The following FAM193A variants were observed in gnomAD, a reference collection of about 807,000 sequenced individuals.
FAM193A encodes the protein protein FAM193A.
A neutral mutation model predicts 126.5 loss-of-function variants in FAM193A; 22 were observed. That is an observed-to-expected ratio of 0.17 (90% confidence interval 0.12 to 0.25). The LOEUF is 0.25. Among genes scored for constraint, FAM193A ranks in the 10% least tolerant of loss-of-function variants. The pLI is 1.00. For missense variants in FAM193A, 1,675 were observed against 1,672.8 expected (o/e 1.00, Z -0.02); for synonymous variants, 761 against 646.8 (o/e 1.18, Z -2.68).
At position 2,654,828 on chromosome 4, in the gene FAM193A, A is replaced by G. The variant is rs904932316; in HGVS notation, c.1312-2975A>G. 14 of 362,402 alleles carry G rather than the reference A, an allele frequency of 3.9e-5. No homozygotes were observed. In the Admixed American group the frequency reaches 4.2e-4, roughly 11 times the overall value. The allele number at this position is 362,402 out of a possible 1,614,324, so 22.4% of individuals were successfully genotyped here. A position where few individuals can be genotyped will look rare whatever the true frequency, so the allele number is the denominator to read the frequency against. On this transcript the variant is annotated intron_variant, in intron 7 of 20. Transcript: ENST00000637812. ...ATAGTCTGTAGTTTGAGGGGCTGCTATGACCGGCATCTTGAGTGGGGAATG... is the reference window on the plus strand; with the variant it reads ...ATAGTCTGTAGTTTGAGGGGCTGCTGTGACCGGCATCTTGAGTGGGGAATG...
intron 5 of FAM193A, among the ~76,000 whole-genome samples, chr4:2,635,169 TG>T (rs1382102528): frequency 6.6e-5 from 10 of 152,218 alleles, no homozygotes; most frequent in African/African-American, 2.4e-4. Flanking sequence ...TTTTTATGGT[TG>T]GGTTATTCCA....
chr4:2,681,495 G>T (rs1053140866), intron 13 of FAM193A, among the ~76,000 whole-genome samples: 5 of 152,130 alleles, frequency 3.3e-5, no homozygotes, highest in African/African-American at 1.2e-4. Flanking sequence ...CAGTTGCCCA[G>T]CCTGGAGTGT....
In FAM193A at chr4:2,649,374, GAAAA is replaced by G. The variant is rs35548308; in HGVS notation, c.1311+2556_1311+2559del. On this transcript the variant is annotated intron_variant, in intron 7 of 20. Coordinates refer to ENST00000637812, the MANE Select transcript of FAM193A (RefSeq NM_001366318.2). ...TGGGTGACAGAGTGAGACCCTGTCT[GAAAA>G]AAAAAAAAAAAAAGCCAGGCTTAGT... is the stretch of plus-strand genomic sequence containing the variant. Among the ~76,000 whole-genome samples, 31 of 94,366 alleles carry G rather than the reference GAAAA, an allele frequency of 3.3e-4. 1 individual carries two copies. Among genetic ancestry groups the G allele is most frequent in the Admixed American group, 2.0e-3 (16 of 7,948 alleles). 61.9% of individuals were successfully genotyped at this position (94,366 alleles called of 152,430 possible).
chr4:2,556,583 G>A (rs1301888219), intron 1 of FAM193A, among the ~76,000 whole-genome samples: 4 of 152,188 alleles, frequency 2.6e-5, no homozygotes, highest in Admixed American at 6.6e-5. Context: ...TCAGGAGGCT[G>A]ATGTGGGGGG....
intron 13 of FAM193A, among the ~76,000 whole-genome samples, chr4:2,673,810 A>G (rs74615230): frequency 0.026 from 3,950 of 152,282 alleles, 187 homozygotes; most frequent in African/African-American, 0.09. Flanking sequence ...GTAAGATAGT[A>G]AAATTGATTA....
intron 1 of FAM193A, among the ~76,000 whole-genome samples, chr4:2,562,462 A>G (rs1738677616): frequency 6.6e-6 from 1 of 152,132 alleles, no homozygotes; most frequent in Non-Finnish European, 1.5e-5. Context: ...GATCATTTAA[A>G]ATTTCGACGA....
rs111854306 is a variant in FAM193A, at chr4:2,647,474, C to G, written c.1311+642C>G. 5.5e-3 allele frequency among the ~76,000 whole-genome samples: 836 copies of G among 152,224 alleles called. 6 individuals are homozygous for G. The highest frequency in any genetic ancestry group is 0.019 in the African/African-American group (778 of 41,550). ...GTAGGAGGTTTTTTAAGTCCAGGAG[C>G]TGTTTACTGAGCACTCTGCTGTTGA... is the stretch of plus-strand genomic sequence containing the variant. On this transcript the variant is annotated intron_variant, in intron 7 of 20. Transcript: ENST00000637812.
chr4:2,731,063 G>T lies in FAM193A; in HGVS notation c.4455-712G>T, dbSNP rs1325844709. On this transcript the variant is annotated intron_variant, in intron 20 of 20. Coordinates refer to ENST00000637812, the MANE Select transcript of FAM193A (RefSeq NM_001366318.2). ...ATACAAAAATCAGCTGGACGTGGTGGTGGGCACCTGTAATCCCAGCTACTT... is the reference window on the plus strand; with the variant it reads ...ATACAAAAATCAGCTGGACGTGGTGTTGGGCACCTGTAATCCCAGCTACTT... Among the ~76,000 whole-genome samples the T allele has an allele frequency of 2.0e-5, 3 of 151,454 alleles. No individual in the cohort carries two copies. In the East Asian group the frequency reaches 5.9e-4, roughly 30 times the overall value.
chr4:2,694,867 TG>T, intron 16 of FAM193A, 78 bp from the exon 17 acceptor site: 1 of 1,245,688 alleles, frequency 8.0e-7, no homozygotes. Context: ...GGCAGGACAG[TG>T]GGTGGTCATG....
Position 2,552,210 on chromosome 4 carries a change from A to G in FAM193A, c.255+15040A>G, listed in dbSNP as rs185882421. Among the ~76,000 whole-genome samples, 785 of 151,692 alleles carry G rather than the reference A, an allele frequency of 5.2e-3. 7 individuals carry two copies. The highest frequency in any genetic ancestry group is 0.017 in the African/African-American group (721 of 41,352). On this transcript the variant is annotated intron_variant, in intron 1 of 20. Transcript: ENST00000637812. ...GTATTTTTAGTAGAGACGGGGTTTC[A>G]TCGTGTTAGCTAGGATGATCTCGAC... is the stretch of plus-strand genomic sequence containing the variant.
chr4:2,725,132 G>A (rs550459449), intron 20 of FAM193A, among the ~76,000 whole-genome samples: 2 of 151,956 alleles, frequency 1.3e-5, no homozygotes, highest in Admixed American at 6.6e-5. Flanking sequence ...ACCTACCTCC[G>A]CCTCCCAAAG....
At chr4:2,605,740 G>A (rs1469416546) in intron 2 of FAM193A, among the ~76,000 whole-genome samples, 1 of 152,166 alleles carries the variant, frequency 6.6e-6, no homozygotes, top group Non-Finnish European at 1.5e-5. Context: ...GGGAGGCCAA[G>A]ATGGGCGGAT....
chr4:2,671,702 C>CCGGAAGT (rs1713809254), intron 12 of FAM193A, among the ~76,000 whole-genome samples: 2 of 152,218 alleles, frequency 1.3e-5, no homozygotes, highest in Admixed American at 6.5e-5. Flanking sequence ...TCCACCGTAA[C>CCGGAAGT]CGGAAGTCGC....
At chr4:2,577,567 C>T (rs1739681543) in intron 1 of FAM193A, among the ~76,000 whole-genome samples, 1 of 151,664 alleles carries the variant, frequency 6.6e-6, no homozygotes, top group African/African-American at 2.4e-5. Flanking sequence ...TACAGGCGCC[C>T]GCCACCACAC....
At chr4:2,577,702 A>G (rs1229028030) in intron 1 of FAM193A, among the ~76,000 whole-genome samples, 4 of 152,120 alleles carry the variant, frequency 2.6e-5, no homozygotes, top group Non-Finnish European at 5.9e-5. Context: ...TACAGGTGTC[A>G]GCCACCACAC....
At chr4:2,660,730 A>T (rs377009835) in intron 10 of FAM193A, among the ~76,000 whole-genome samples, 2 of 152,234 alleles carry the variant, frequency 1.3e-5, no homozygotes, top group Admixed American at 6.5e-5. Context: ...GACCTTGGCT[A>T]TGCAGCGTTT....
chr4:2,710,591 TC>T (rs1414420250), intron 19 of FAM193A, among the ~76,000 whole-genome samples: 2 of 151,932 alleles, frequency 1.3e-5, no homozygotes, highest in Non-Finnish European at 2.9e-5. Flanking sequence ...AACCTCAACT[TC>T]CCTGGGCTCG....
chr4:2,594,689 G>C (rs971605203), intron 1 of FAM193A, among the ~76,000 whole-genome samples: 1 of 152,076 alleles, frequency 6.6e-6, no homozygotes, highest in Non-Finnish European at 1.5e-5. Context: ...TGAAGGACCC[G>C]TCTTAGGATT....
intron 1 of FAM193A, among the ~76,000 whole-genome samples, chr4:2,551,450 A>G (rs184441085): frequency 1.3e-5 from 2 of 152,350 alleles, no homozygotes; most frequent in East Asian, 1.9e-4. Flanking sequence ...CTTAATCTGT[A>G]GTATTAATGC....
Sources: gnomAD v4.1 joint callset for allele counts (sites outside exome capture counted in the v4.1 genomes callset) on GRCh38, gnomAD v4.1.1 for gene constraint, MANE v1.5 for transcripts, NCBI Gene and HGNC (gene_info 2026-07-23, HGNC 2026-07-21) for gene names.